Variants in MTMR7 observed in about 807,000 individuals in gnomAD.
MTMR7 encodes the protein phosphatidylinositol-3-phosphate phosphatase MTMR7.
A neutral mutation model predicts 81.2 loss-of-function variants in MTMR7; 76 were observed. The observed-to-expected ratio is 0.94, with a 90% CI of 0.78 to 1.13. The LOEUF (loss-of-function observed/expected upper bound fraction) is 1.13, where lower values mean the gene tolerates loss of function less well. Ranked by LOEUF, MTMR7 falls within the 50% of genes most tolerant of loss-of-function variation. MTMR7 has a pLI of 0.00. For synonymous variants in MTMR7, 372 were observed against 289.8 expected (o/e 1.28, Z -2.88); for missense variants, 1,044 against 820.0 (o/e 1.27, Z -3.34).
chr8:17,384,719 A>G (rs1281469664), intron 1 of MTMR7, among the ~76,000 whole-genome samples: 2 of 152,240 alleles, frequency 1.3e-5, no homozygotes, highest in African/African-American at 4.8e-5. Context: ...TCCTATTTAC[A>G]TAAAGTTACT....
intron 4 of MTMR7, among the ~76,000 whole-genome samples, chr8:17,352,146 G>C (rs1332548926): frequency 6.6e-6 from 1 of 152,088 alleles, no homozygotes; most frequent in Non-Finnish European, 1.5e-5. Flanking sequence ...AAACGATTTT[G>C]AAAAAGAACA....
At chr8:17,367,817 T>C (rs73666125) in intron 3 of MTMR7, among the ~76,000 whole-genome samples, 11,250 of 151,898 alleles carry the variant, frequency 0.074, 1,309 homozygotes, top group African/African-American at 0.25. Context: ...AGCTGGAAAC[T>C]TTTCTCTTCC....
chr8:17,317,268 G>A (rs1469601299), intron 7 of MTMR7, among the ~76,000 whole-genome samples: 1 of 152,274 alleles, frequency 6.6e-6, no homozygotes, highest in East Asian at 1.9e-4. Flanking sequence ...GTGTGCATGG[G>A]CAGGCTTTCT....
chr8:17,313,458 T>A, intron 7 of MTMR7, 57 bp from the exon 8 acceptor site: 1 of 1,138,772 alleles, frequency 8.8e-7, no homozygotes, highest in Non-Finnish European at 1.3e-6. Flanking sequence ...ATTTTACATA[T>A]GATCATGTTT....
chr8:17,411,639 A>T (rs923007592), intron 1 of MTMR7, among the ~76,000 whole-genome samples: 3 of 152,152 alleles, frequency 2.0e-5, no homozygotes. Context: ...ATTTTCCCCC[A>T]ATTTGTTTCC....
intron 1 of MTMR7, among the ~76,000 whole-genome samples, chr8:17,384,351 T>C (rs1245113354): frequency 3.9e-5 from 6 of 152,138 alleles, no homozygotes; most frequent in Admixed American, 2.0e-4. Context: ...TTTGAGGTTA[T>C]AGTCAGACAT....
rs376602011 is a variant in MTMR7 at position 17,299,877 on chromosome 8, C to A, written c.1968G>T (p.Val656=). ...SGKDRDSDEA[V]FLTA ...AAGGGAAACTTCAGGCAGTGAGAAACACGGCTTCATCAGAATCCCGGTCCT... is the reference window on the plus strand; with the variant it reads ...AAGGGAAACTTCAGGCAGTGAGAAAAACGGCTTCATCAGAATCCCGGTCCT... Residue 656 remains valine (V), a synonymous_variant, in exon 14 of 14, where the codon GTG becomes GTT. Coordinates refer to ENST00000180173, the MANE Select transcript of MTMR7 (RefSeq NM_004686.5). 1 of 1,614,042 alleles carries A rather than the reference C, an allele frequency of 6.2e-7. No individual in the cohort carries two copies.
chr8:17,339,012 A>G (rs974834569), intron 6 of MTMR7: 3 of 152,206 alleles, frequency 2.0e-5, no homozygotes, highest in Non-Finnish European at 4.4e-5. Context: ...ATCACATTCC[A>G]TTATCCTGGA....
intron 11 of MTMR7, 102 bp from the exon 12 acceptor site, chr8:17,304,621 A>T: frequency 8.0e-7 from 1 of 1,253,290 alleles, no homozygotes; most frequent in South Asian, 1.4e-5. Context: ...TGTTACCTGA[A>T]AACCACGTGT....
At chr8:17,342,520 T>C (rs559127806) in intron 5 of MTMR7, among the ~76,000 whole-genome samples, 2 of 152,264 alleles carry the variant, frequency 1.3e-5, no homozygotes, top group South Asian at 4.1e-4. Flanking sequence ...AGTCCAACCA[T>C]AGCTTAATTG....
chr8:17,347,451 A>G (rs115751068), intron 5 of MTMR7, among the ~76,000 whole-genome samples: 454 of 152,238 alleles, frequency 3.0e-3, no homozygotes, highest in African/African-American at 0.01. Flanking sequence ...ATTGCTCCAG[A>G]TATTTTTGGA....
chr8:17,374,379 T>C (rs1349292072), intron 1 of MTMR7, among the ~76,000 whole-genome samples: 2 of 151,874 alleles, frequency 1.3e-5, no homozygotes, highest in Non-Finnish European at 2.9e-5. Context: ...TCCCAGCACT[T>C]TGGGAGGCCG....
chr8:17,315,716 C>A (rs1481425252), intron 7 of MTMR7, among the ~76,000 whole-genome samples: 3 of 151,756 alleles, frequency 2.0e-5, no homozygotes, highest in African/African-American at 4.8e-5. Flanking sequence ...GAAAAAAAAA[C>A]AAAACAGAAA....
rs777737920 is a variant in MTMR7 at position 17,341,497 on chromosome 8, C to A, written c.598G>T (p.Ala200Ser). The change falls in exon 6 of 14, where the codon GCC becomes TCC. Residue 200 changes from alanine to serine, a missense_variant and splice_region_variant. By Grantham distance (99) the Ala-to-Ser change is moderately conservative. Transcript: ENST00000180173. ...VLSYYYKDNH[A>S]SICRSSQPLS... ...GGCTGGCTGCTCCGGCAGATGGAGG[C>A]CTAGGGGGAGAGGTCACAGCAACAC... The A allele has an allele frequency of 3.1e-6, 5 of 1,613,288 alleles. No individual in the cohort carries two copies. The African/African-American group carries it at 6.7e-5, about 22-fold the overall frequency.
At chr8:17,325,970 A>G (rs779776852) in intron 7 of MTMR7, among the ~76,000 whole-genome samples, 1 of 152,238 alleles carries the variant, frequency 6.6e-6, no homozygotes, top group Non-Finnish European at 1.5e-5. Context: ...ACTGGAAAGC[A>G]CTTTATAGTT....
In MTMR7 at chr8:17,407,149, A is replaced by G. The variant is rs145074440; in HGVS notation, c.24+6120T>C. Among the ~76,000 whole-genome samples, 613 of 152,084 alleles carry G rather than the reference A, an allele frequency of 4.0e-3. 1 individual carries two copies. Among genetic ancestry groups the G allele is most frequent in the Non-Finnish European group, 7.2e-3 (485 of 67,828 alleles). On this transcript the variant is annotated intron_variant, in intron 1 of 13. Transcript: ENST00000180173. The stretch of plus-strand genomic sequence containing the variant: ...CTTCAATAAAGCTATTGAAATACAC[A>G]CACTATACACACACACTAAATCACC...
At chr8:17,341,218 G>T in intron 6 of MTMR7, 145 bp downstream of exon 6, 1 of 998,210 alleles carries the variant, frequency 1.0e-6, no homozygotes, top group Non-Finnish European at 1.4e-6. Context: ...TAGCCAGCAG[G>T]GTGCCCAGAC....
chr8:17,364,661 G>GAACA (rs1279598689), intron 3 of MTMR7, among the ~76,000 whole-genome samples: 1 of 152,192 alleles, frequency 6.6e-6, no homozygotes, highest in Non-Finnish European at 1.5e-5. Flanking sequence ...ATGTAAGTGA[G>GAACA]AACATATGGT....
At chr8:17,338,683 G>A (rs1288747958) in intron 6 of MTMR7, 4 of 151,984 alleles carry the variant, frequency 2.6e-5, no homozygotes, top group Non-Finnish European at 5.9e-5. Context: ...GTAAAAGCCA[G>A]AGATTTTCTG....
Sources: allele counts gnomAD v4.1 joint callset (sites outside exome capture counted in the v4.1 genomes callset), GRCh38; gene constraint gnomAD v4.1.1; transcripts MANE v1.5; gene names NCBI Gene and HGNC (gene_info 2026-07-23, HGNC 2026-07-21).